Variants in CMTM8 observed in about 807,000 individuals in gnomAD.
The protein encoded by CMTM8 is CKLF like MARVEL transmembrane domain containing 8, also known as CKLF-like MARVEL transmembrane domain-containing protein 8.
A neutral mutation model predicts 18.6 loss-of-function variants in CMTM8; 12 were observed. The observed-to-expected ratio is 0.65, with a 90% CI of 0.41 to 1.05. CMTM8 has a LOEUF of 1.05. Ranked by LOEUF, CMTM8 falls within the 50% of genes least tolerant of loss-of-function variation. The probability of loss-of-function intolerance (pLI) is 0.00; values close to 1 mark genes in which losing one functional copy is unlikely to be tolerated. For synonymous variants in CMTM8, 87 were observed against 90.6 expected (o/e 0.96, Z 0.23); for missense variants, 217 against 227.2 (o/e 0.95, Z 0.29).
At chr3:32,357,327 T>C (rs748122150) in intron 1 of CMTM8, 46 bp from the exon 2 acceptor site, 3 of 1,423,146 alleles carry the variant, frequency 2.1e-6, no homozygotes, top group Non-Finnish European at 2.9e-6. Flanking sequence ...TTTTTCTTTA[T>C]CTTCTACTGT....
chr3:32,326,385 A>G (rs1696155622), intron 1 of CMTM8, among the ~76,000 whole-genome samples: 1 of 151,986 alleles, frequency 6.6e-6, no homozygotes, highest in Admixed American at 6.6e-5. Flanking sequence ...TATATCTCAC[A>G]TTACCATCCA....
chr3:32,243,343 C>T (rs114662290), intron 1 of CMTM8, among the ~76,000 whole-genome samples: 9,770 of 151,728 alleles, frequency 0.064, 459 homozygotes, highest in Admixed American at 0.15. Context: ...CCAGCCCAGC[C>T]AACATGGCGA....
At chr3:32,347,076 G>A (rs912374902) in intron 1 of CMTM8, among the ~76,000 whole-genome samples, 5 of 152,074 alleles carry the variant, frequency 3.3e-5, no homozygotes, top group African/African-American at 9.6e-5. Flanking sequence ...CAATCCTCCC[G>A]CCTCAGCCAT....
At chr3:32,292,476 T>C (rs1702797240) in intron 1 of CMTM8, among the ~76,000 whole-genome samples, 1 of 152,216 alleles carries the variant, frequency 6.6e-6, no homozygotes, top group African/African-American at 2.4e-5. Flanking sequence ...AGGCATAGAC[T>C]GCGTAATCCA....
chr3:32,333,346 G>A (rs1473912710), intron 1 of CMTM8, among the ~76,000 whole-genome samples: 1 of 152,156 alleles, frequency 6.6e-6, no homozygotes, highest in African/African-American at 2.4e-5. Flanking sequence ...TCCTCATCTA[G>A]CTCCTTGCTG....
chr3:32,266,790 G>A (rs1702352963), intron 1 of CMTM8, among the ~76,000 whole-genome samples: 3 of 152,112 alleles, frequency 2.0e-5, no homozygotes, highest in Admixed American at 6.6e-5. Flanking sequence ...AAAAATCACA[G>A]GCATTCTTAT....
chr3:32,244,762 A>C (rs1339455315), intron 1 of CMTM8, among the ~76,000 whole-genome samples: 1 of 152,200 alleles, frequency 6.6e-6, no homozygotes, highest in East Asian at 1.9e-4. Flanking sequence ...CCAGTGCTGT[A>C]GCAATCTTTT....
intron 1 of CMTM8, among the ~76,000 whole-genome samples, chr3:32,351,711 C>CAAAAAA (rs144533624): frequency 0.035 from 4,734 of 134,222 alleles, 146 homozygotes; most frequent in East Asian, 0.13. Context: ...GACCCTGTCT[C>CAAAAAA]AAAAAAAAAA....
rs77263806 is a variant in CMTM8, at chr3:32,296,402, A to G, written c.147+57283A>G. Among the ~76,000 whole-genome samples, 1,247 of 152,310 alleles carry G rather than the reference A, an allele frequency of 8.2e-3. 19 individuals carry two copies. Among genetic ancestry groups the G allele is most frequent in the African/African-American group, 0.029 (1,190 of 41,560 alleles). On this transcript the variant is annotated intron_variant, in intron 1 of 3. Coordinates refer to ENST00000307526, the MANE Select transcript of CMTM8 (RefSeq NM_178868.5). ...GTATCTGCAATGAGTACCTGGCACA[A>G]TGAGTTATGGCTAGACAGATGGATA...
In CMTM8 at chr3:32,370,056, G is replaced by A; in HGVS notation, c.*89G>A. On this transcript the variant is annotated 3_prime_UTR_variant, in exon 4 of 4. Coordinates refer to ENST00000307526, the MANE Select transcript of CMTM8 (RefSeq NM_178868.5). ...GTATAATGTATATTCCCAGAGAATTGTATTTAACTAATTAATGTTTTTTAT... is the reference window on the plus strand; with the variant it reads ...GTATAATGTATATTCCCAGAGAATTATATTTAACTAATTAATGTTTTTTAT... The A allele has an allele frequency of 1.5e-6, 1 of 681,160 alleles. No homozygotes were observed. Among genetic ancestry groups the A allele is most frequent in the East Asian group, 2.7e-5 (1 of 37,056 alleles). 42.2% of individuals were successfully genotyped at this position (681,160 alleles called of 1,614,324 possible).
At position 32,284,854 on chromosome 3, in the gene CMTM8, A is replaced by G. The variant is rs138327165; in HGVS notation, c.147+45735A>G. Among the ~76,000 whole-genome samples, 908 of 152,322 alleles carry G rather than the reference A, an allele frequency of 6.0e-3. 4 individuals carry two copies. The highest frequency in any genetic ancestry group is 0.021 in the African/African-American group (864 of 41,574). ...AGAGTTCTCTCATGTGGGCGATTAT[A>G]TTAGGAATTTTGAGTGGTGTCCTCG... is the stretch of plus-strand genomic sequence containing the variant. On this transcript the variant is annotated intron_variant, in intron 1 of 3. Transcript: ENST00000307526.
chr3:32,319,747 G>A (rs946280098), intron 1 of CMTM8, among the ~76,000 whole-genome samples: 3 of 152,168 alleles, frequency 2.0e-5, no homozygotes, highest in Non-Finnish European at 2.9e-5. Context: ...AAAGGTAAAA[G>A]GCAGCAAAAT....
intron 1 of CMTM8, among the ~76,000 whole-genome samples, chr3:32,245,461 A>T (rs183590289): frequency 9.9e-4 from 151 of 152,358 alleles, no homozygotes; most frequent in African/African-American, 3.5e-3. Context: ...AACAAGCTAG[A>T]AGCAATCCAG....
intron 1 of CMTM8, among the ~76,000 whole-genome samples, chr3:32,249,845 T>A (rs1305469882): frequency 6.6e-6 from 1 of 152,238 alleles, no homozygotes; most frequent in African/African-American, 2.4e-5. Flanking sequence ...TTTTCACTTT[T>A]CTAGACTATG....
chr3:32,336,618 A>G (rs1696392105), intron 1 of CMTM8, among the ~76,000 whole-genome samples: 1 of 152,212 alleles, frequency 6.6e-6, no homozygotes, highest in Non-Finnish European at 1.5e-5. Flanking sequence ...ACAAATACTG[A>G]TGGTGCTGGA....
intron 1 of CMTM8, among the ~76,000 whole-genome samples, chr3:32,303,565 G>A (rs1319892700): frequency 6.6e-6 from 1 of 151,976 alleles, no homozygotes; most frequent in African/African-American, 2.4e-5. Context: ...CTTCCCGTAT[G>A]TTTCATTTCT....
chr3:32,275,190 T>G (rs1702497502), intron 1 of CMTM8, among the ~76,000 whole-genome samples: 1 of 151,678 alleles, frequency 6.6e-6, no homozygotes, highest in South Asian at 2.1e-4. Context: ...TTTGGTTTTT[T>G]TTTTTGTGGA....
At chr3:32,249,642 G>A (rs1347874198) in intron 1 of CMTM8, among the ~76,000 whole-genome samples, 1 of 152,094 alleles carries the variant, frequency 6.6e-6, no homozygotes, top group Non-Finnish European at 1.5e-5. Flanking sequence ...ATGATATTGA[G>A]CAATCTTCAT....
intron 1 of CMTM8, among the ~76,000 whole-genome samples, chr3:32,294,685 C>T (rs1285686297): frequency 4.6e-5 from 7 of 152,198 alleles, no homozygotes; most frequent in Non-Finnish European, 7.3e-5. Context: ...AGGGCAGATC[C>T]GTCTTCTTGT....
Sources: gnomAD v4.1 joint callset for allele counts (sites outside exome capture counted in the v4.1 genomes callset) on GRCh38, gnomAD v4.1.1 for gene constraint, MANE v1.5 for transcripts, NCBI Gene and HGNC (gene_info 2026-07-23, HGNC 2026-07-21) for gene names.